Variants in DNAJC10 observed in about 807,000 individuals in gnomAD.
DNAJC10 encodes the protein DnaJ heat shock protein family (Hsp40) member C10.
DNAJC10 carries 101 observed loss-of-function variants against 115.0 expected under a neutral mutation model. That is an observed-to-expected ratio of 0.88 (90% CI 0.75 to 1.04). The LOEUF is 1.04. DNAJC10 is among the 50% of genes least tolerant of loss of function. The pLI, the probability that DNAJC10 is intolerant of heterozygous loss-of-function variation, is 0.00. For missense variants in DNAJC10, 981 were observed against 928.8 expected (o/e 1.06, Z -0.73); for synonymous variants, 307 against 301.5 (o/e 1.02, Z -0.19).
chr2:182,739,645 C>G (rs1181421758), intron 11 of DNAJC10: 2 of 1,116,454 alleles, frequency 1.8e-6, no homozygotes, highest in Admixed American at 3.9e-5. Context: ...GTTAGAAGGG[C>G]CTTTTATACT....
intron 5 of DNAJC10, among the ~76,000 whole-genome samples, chr2:182,724,134 A>G (rs1447076903): frequency 1.3e-5 from 2 of 152,226 alleles, no homozygotes; most frequent in Non-Finnish European, 2.9e-5. Context: ...TAAGAGACCT[A>G]CATAATACAG....
At position 182,718,305 on chromosome 2, in the gene DNAJC10, G is replaced by C. The variant is rs759337733; in HGVS notation, c.204+15G>C. On this transcript the variant is annotated intron_variant, in intron 3 of 23. Coordinates refer to ENST00000264065, the MANE Select transcript of DNAJC10 (RefSeq NM_018981.4). ...ATAAAAACCCGGTAGGTAAACGTTT[G>C]TTTTTAAAAATATTTGATTATATTT... The C allele has an allele frequency of 1.3e-6, 2 of 1,552,946 alleles. No homozygotes were observed. The highest frequency in any genetic ancestry group is 1.7e-6 in the Non-Finnish European group (2 of 1,153,190).
intron 7 of DNAJC10, chr2:182,729,235 G>C: frequency 2.9e-6 from 1 of 343,978 alleles, no homozygotes; most frequent in Non-Finnish European, 5.4e-6. Context: ...TGCAACCTCT[G>C]CCTCCTGGGC....
Position 182,718,099 on chromosome 2 carries a change from TTAAA to T in DNAJC10, c.18_21del (p.Asn6LysfsTer8). 6.2e-7 allele frequency: 1 copy of T among 1,602,742 alleles called. No homozygotes were observed. Among genetic ancestry groups the T allele is most frequent in the Non-Finnish European group, 8.5e-7 (1 of 1,174,510 alleles). On this transcript the variant is annotated frameshift_variant, in exon 3 of 24. Transcript: ENST00000264065. LOFTEE classifies it high-confidence loss of function. Reference sequence around the variant, plus strand: ...CATAAGAAAGAGAATGGGAGTCTGGTTAAATAAAGATGACTATATCAGAGACTTG... The same window carrying T: ...CATAAGAAAGAGAATGGGAGTCTGGTTAAAGATGACTATATCAGAGACTTG...
In DNAJC10 at chr2:182,719,990, C is replaced by A; in HGVS notation, c.205-17C>A. ...TGTATCTGAAATAATTGTATTATAT[C>A]TAATATTTTTTAACAGAATAACCCA... On this transcript the variant is annotated splice_polypyrimidine_tract_variant and intron_variant, in intron 3 of 23. Coordinates refer to ENST00000264065, the MANE Select transcript of DNAJC10 (RefSeq NM_018981.4). 1 of 1,351,664 alleles carries A rather than the reference C, an allele frequency of 7.4e-7. No homozygotes were observed. The highest frequency in any genetic ancestry group is 1.3e-5 in the South Asian group (1 of 78,756). 83.7% of individuals were successfully genotyped at this position (1,351,664 alleles called of 1,614,324 possible). A position where few individuals can be genotyped will look rare whatever the true frequency, so the allele number is the denominator to read the frequency against.
At chr2:182,746,062 T>C (rs1253785068) in intron 14 of DNAJC10, among the ~76,000 whole-genome samples, 1 of 152,228 alleles carries the variant, frequency 6.6e-6, no homozygotes, top group Admixed American at 6.5e-5. Context: ...ACAAAGGACA[T>C]GAACTCATCC....
At chr2:182,755,494 G>GAA (rs1204437394) in intron 17 of DNAJC10, among the ~76,000 whole-genome samples, 2 of 130,346 alleles carry the variant, frequency 1.5e-5, no homozygotes, top group East Asian at 4.3e-4. Context: ...GGGACTCCTA[G>GAA]AAAAAAAAAA....
intron 5 of DNAJC10, 62 bp from the exon 6 acceptor site, chr2:182,728,514 C>A: frequency 8.0e-7 from 1 of 1,250,896 alleles, no homozygotes; most frequent in Non-Finnish European, 1.1e-6. Flanking sequence ...AAGTTTTTAA[C>A]TAAAATATGC....
intron 22 of DNAJC10, among the ~76,000 whole-genome samples, chr2:182,774,673 C>T (rs960266772): frequency 6.6e-6 from 1 of 152,238 alleles, no homozygotes; most frequent in Non-Finnish European, 1.5e-5. Flanking sequence ...AGGAGAGAAT[C>T]TCCTTGTCTG....
intron 22 of DNAJC10, among the ~76,000 whole-genome samples, chr2:182,773,279 T>TC (rs1306017163): frequency 6.6e-6 from 1 of 152,190 alleles, no homozygotes; most frequent in Non-Finnish European, 1.5e-5. Flanking sequence ...TTCCTTCATA[T>TC]CAACCTTGGT....
intron 22 of DNAJC10, among the ~76,000 whole-genome samples, chr2:182,770,174 A>G (rs1215720562): frequency 1.3e-5 from 2 of 152,062 alleles, no homozygotes; most frequent in East Asian, 1.9e-4. Flanking sequence ...ATTGGTCTAT[A>G]TATCTGTTTT....
rs953331961 is a variant in DNAJC10, at chr2:182,783,429, T to C, written c.*6297T>C. On this transcript the variant is annotated 3_prime_UTR_variant, in exon 24 of 24. Coordinates refer to ENST00000264065, the MANE Select transcript of DNAJC10 (RefSeq NM_018981.4). ...ATGGCGTTAAGGCAAAAAATACATA[T>C]ACACACACAAAAAAAATATTTCAGC... 6.6e-6 allele frequency: 1 copy of C among 152,090 alleles called. No individual in the cohort carries two copies. The highest frequency in any genetic ancestry group is 1.5e-5 in the Non-Finnish European group (1 of 67,996). The allele number at this position is 152,090 out of a possible 1,614,324, so 9.4% of individuals were successfully genotyped here.
intron 11 of DNAJC10, among the ~76,000 whole-genome samples, chr2:182,737,568 A>G (rs1031843782): frequency 5.3e-5 from 8 of 152,114 alleles, no homozygotes; most frequent in Non-Finnish European, 1.0e-4. Context: ...TCTCCACTCC[A>G]GATGTATTAT....
In DNAJC10 at chr2:182,736,386, G is replaced by A; in HGVS notation, c.987G>A (p.Leu329=). 1 of 1,560,464 alleles carries A rather than the reference G, an allele frequency of 6.4e-7. No individual in the cohort carries two copies. ...TLNNKEKNSI[L]FLNSLDAKEI... ...ATAACAAAGAGAAAAACAGTATTTTGGTATGAATCACTTTAAACTAATTTA... is the reference window on the plus strand; with the variant it reads ...ATAACAAAGAGAAAAACAGTATTTTAGTATGAATCACTTTAAACTAATTTA... Residue 329 remains leucine, a splice_region_variant and synonymous_variant, in exon 11 of 24, where the codon TTG becomes TTA. Transcript: ENST00000264065.
intron 21 of DNAJC10, among the ~76,000 whole-genome samples, chr2:182,761,577 C>T (rs1350979736): frequency 1.3e-5 from 2 of 151,912 alleles, no homozygotes; most frequent in African/African-American, 4.8e-5. Context: ...ATACAAAAGA[C>T]AGATAAGAAT....
rs1553493060 is a variant in DNAJC10 at position 182,762,170 on chromosome 2, A to AG, written c.2146-512_2146-511insG. Among the ~76,000 whole-genome samples, 138 of 149,128 alleles carry AG rather than the reference A, an allele frequency of 9.3e-4. 1 individual carries two copies. Among genetic ancestry groups the AG allele is most frequent in the Non-Finnish European group, 4.5e-4 (30 of 67,260 alleles). On this transcript the variant is annotated intron_variant, in intron 21 of 23. Transcript: ENST00000264065. ...AGACTGCTGCTCAGGAAAAAAAAAA[A>AG]AGAGAGAGAGCGTGAGAAGCACTAT...
At position 182,749,163 on chromosome 2, in the gene DNAJC10, C is replaced by G. The variant is rs1386700481; in HGVS notation, c.1307-2495C>G. Among the ~76,000 whole-genome samples, 7 of 149,866 alleles carry G rather than the reference C, an allele frequency of 4.7e-5. No homozygotes were observed. The South Asian group carries it at 1.5e-3, about 32-fold the overall frequency. ...TTGGGGTGGAGAGTTCTGTAGATGT[C>G]TATTAGGTCTGCTTGGTGCAGAGCT... On this transcript the variant is annotated intron_variant, in intron 14 of 23. Transcript: ENST00000264065.
At chr2:182,735,276 C>T (rs1260954034) in intron 10 of DNAJC10, among the ~76,000 whole-genome samples, 1 of 151,778 alleles carries the variant, frequency 6.6e-6, no homozygotes, top group Non-Finnish European at 1.5e-5. Context: ...GAGTACTAAA[C>T]AGAAATTATT....
intron 22 of DNAJC10, among the ~76,000 whole-genome samples, chr2:182,766,420 G>T (rs1319356819): frequency 6.6e-6 from 1 of 152,138 alleles, no homozygotes; most frequent in Non-Finnish European, 1.5e-5. Flanking sequence ...CATTAGTAAT[G>T]CCCTTCACAT....
Sources: allele counts gnomAD v4.1 joint callset (sites outside exome capture counted in the v4.1 genomes callset), GRCh38; gene constraint gnomAD v4.1.1; transcripts MANE v1.5; gene names NCBI Gene and HGNC (gene_info 2026-07-23, HGNC 2026-07-21).